Variants in LOC128462377 observed in about 807,000 individuals in gnomAD.
chr16:89,386,476 T>C, the LOC128462377 span, among the ~76,000 whole-genome samples: 2 of 151,820 alleles, frequency 1.3e-5, no homozygotes, highest in African/African-American at 4.8e-5. Context: ...CCAGGGACAG[T>C]GGAGGATAGA....
the LOC128462377 span, among the ~76,000 whole-genome samples, chr16:89,350,930 A>G: frequency 6.6e-6 from 1 of 152,200 alleles, no homozygotes. Flanking sequence ...AGGGTGACTC[A>G]GCAACAGGCT....
chr16:89,323,424 G>GAGGGCAGGGGGGCAGAGCCC, the LOC128462377 span: 1 of 835,440 alleles, frequency 1.2e-6, no homozygotes, highest in African/African-American at 3.0e-5. Context: ...GGGCTGAGCC[G>GAGGGCAGGGGGGCAGAGCCC]AGGGCAGGGG....
At chr16:89,368,842 G>A in the LOC128462377 span, among the ~76,000 whole-genome samples, 1 of 152,174 alleles carries the variant, frequency 6.6e-6, no homozygotes, top group Non-Finnish European at 1.5e-5. Flanking sequence ...TGACGCCACA[G>A]TGAGTCCTGA....
the LOC128462377 span, among the ~76,000 whole-genome samples, chr16:89,330,556 G>A: frequency 1.3e-5 from 2 of 151,610 alleles, no homozygotes; most frequent in African/African-American, 4.8e-5. Flanking sequence ...TGATGGGGTG[G>A]TGTGGGGGGG....
chr16:89,326,312 T>A, the LOC128462377 span, among the ~76,000 whole-genome samples: 667 of 152,214 alleles, frequency 4.4e-3, 6 homozygotes, highest in African/African-American at 0.016. Context: ...TAGAAAGGTC[T>A]GGGGTGTCAC....
chr16:89,374,871 T>TTAA, the LOC128462377 span, among the ~76,000 whole-genome samples: 7 of 152,046 alleles, frequency 4.6e-5, no homozygotes, highest in Non-Finnish European at 1.0e-4. Flanking sequence ...CTGAAAAACT[T>TTAA]ATTAGAGATT....
the LOC128462377 span, among the ~76,000 whole-genome samples, chr16:89,354,563 T>C: frequency 1.3e-5 from 2 of 152,138 alleles, no homozygotes; most frequent in East Asian, 1.9e-4. Flanking sequence ...AGAGATTTGA[T>C]TGTGTGTCAT....
chr16:89,358,893 A>G, the LOC128462377 span, among the ~76,000 whole-genome samples: 2 of 152,020 alleles, frequency 1.3e-5, no homozygotes, highest in East Asian at 3.9e-4. Context: ...TGGTGCGATC[A>G]TGGCTCACCA....
chr16:89,393,490 CTTTTT>C, the LOC128462377 span, among the ~76,000 whole-genome samples: 4 of 117,096 alleles, frequency 3.4e-5, no homozygotes, highest in African/African-American at 6.6e-5. Context: ...TATCCAGCTG[CTTTTT>C]TTTTTTTTTT....
the LOC128462377 span, among the ~76,000 whole-genome samples, chr16:89,369,661 G>A: frequency 3.9e-5 from 6 of 152,186 alleles, no homozygotes; most frequent in Admixed American, 6.5e-5. Flanking sequence ...TTGTGGTGAC[G>A]CAAGGGTTTT....
At chr16:89,378,365 A>G in the LOC128462377 span, among the ~76,000 whole-genome samples, 1 of 152,194 alleles carries the variant, frequency 6.6e-6, no homozygotes, top group African/African-American at 2.4e-5. Context: ...TTGTTCAAGG[A>G]CCAAACATAT....
At chr16:89,327,299 T>C in the LOC128462377 span, among the ~76,000 whole-genome samples, 2 of 151,162 alleles carry the variant, frequency 1.3e-5, no homozygotes, top group South Asian at 2.1e-4. Context: ...AAAACAGGAG[T>C]GTGGAGAAAC....
chr16:89,399,442 A>G, the LOC128462377 span, among the ~76,000 whole-genome samples: 9 of 152,212 alleles, frequency 5.9e-5, no homozygotes, highest in African/African-American at 2.2e-4. Flanking sequence ...CGACTCTGAC[A>G]TCCAGGAAAG....
chr16:89,407,139 C>T, the LOC128462377 span, among the ~76,000 whole-genome samples: 5 of 151,894 alleles, frequency 3.3e-5, no homozygotes, highest in African/African-American at 9.7e-5. Flanking sequence ...TGAGTTGAGA[C>T]GTGCCACTGC....
chr16:89,381,327 G>A, the LOC128462377 span, among the ~76,000 whole-genome samples: 5 of 89,486 alleles, frequency 5.6e-5, no homozygotes, highest in African/African-American at 1.6e-4. Flanking sequence ...GCGAGACTCT[G>A]CTGCAAAAAA....
the LOC128462377 span, among the ~76,000 whole-genome samples, chr16:89,355,777 CG>C: frequency 6.6e-6 from 1 of 152,222 alleles, no homozygotes; most frequent in Non-Finnish European, 1.5e-5. Context: ...GCCTGACAAT[CG>C]CATCTGCACC....
At chr16:89,374,608 A>G in the LOC128462377 span, among the ~76,000 whole-genome samples, 3 of 152,356 alleles carry the variant, frequency 2.0e-5, no homozygotes, top group African/African-American at 7.2e-5. Context: ...CAACCTCAGG[A>G]GAGCTGTGGG....
the LOC128462377 span, among the ~76,000 whole-genome samples, chr16:89,381,814 T>TG: frequency 6.6e-6 from 1 of 152,032 alleles, no homozygotes; most frequent in African/African-American, 2.4e-5. Context: ...CCCACGCGAA[T>TG]GGGGGGAAGA....
the LOC128462377 span, among the ~76,000 whole-genome samples, chr16:89,380,872 G>C: frequency 6.6e-6 from 1 of 152,324 alleles, no homozygotes; most frequent in African/African-American, 2.4e-5. Context: ...GCCTACACGG[G>C]GCAATGCAGC....
Sources: gnomAD v4.1 joint callset for allele counts (sites outside exome capture counted in the v4.1 genomes callset) on GRCh38, gnomAD v4.1.1 for gene constraint, MANE v1.5 for transcripts.